The following IQCK variants were observed in gnomAD, a reference collection of about 807,000 sequenced individuals.
IQCK encodes the protein IQ domain-containing protein K.
Under a neutral mutation model 28.1 loss-of-function variants are expected in IQCK, and 29 were observed. The ratio of observed to expected loss-of-function variants is 1.03; its 90% CI spans 0.77 to 1.41. IQCK has a LOEUF of 1.41. IQCK is among the 40% of genes most tolerant of loss of function. The probability of loss-of-function intolerance (pLI) is 0.00; values close to 1 mark genes in which losing one functional copy is unlikely to be tolerated. For missense variants in IQCK, 359 were observed against 314.7 expected (o/e 1.14, Z -1.07); for synonymous variants, 113 against 115.1 (o/e 0.98, Z 0.12).
chr16:19,741,308 T>A (rs1204021414), intron 4 of IQCK, among the ~76,000 whole-genome samples: 2 of 152,228 alleles, frequency 1.3e-5, no homozygotes, highest in Non-Finnish European at 2.9e-5. Context: ...TCTAATTTAC[T>A]TGGCCATTAT....
intron 9 of IQCK, among the ~76,000 whole-genome samples, chr16:19,854,197 A>G (rs1185703679): frequency 6.6e-6 from 1 of 152,236 alleles, no homozygotes; most frequent in African/African-American, 2.4e-5. Flanking sequence ...GAAGCTGACC[A>G]TGTGATTCTT....
intron 4 of IQCK, among the ~76,000 whole-genome samples, chr16:19,741,607 G>A (rs1046912910): frequency 2.0e-5 from 3 of 152,208 alleles, no homozygotes; most frequent in African/African-American, 7.2e-5. Flanking sequence ...CTAGATGTCA[G>A]ATGCTCCAGG....
In IQCK at chr16:19,778,556, C is replaced by T. The variant is rs535620643; in HGVS notation, c.606-10282C>T. ...CTTGTAGTCCCAGCTACTCCAGAGGCCGAGGGGAGAGTATCACTTGGACCT... is the reference window on the plus strand; with the variant it reads ...CTTGTAGTCCCAGCTACTCCAGAGGTCGAGGGGAGAGTATCACTTGGACCT... On this transcript the variant is annotated intron_variant, in intron 6 of 7. Coordinates refer to ENST00000564186, the Ensembl canonical transcript of IQCK. Among the ~76,000 whole-genome samples, 65 of 152,058 alleles carry T rather than the reference C, an allele frequency of 4.3e-4. 4 individuals carry two copies. The South Asian group carries it at 0.012, about 27-fold the overall frequency.
exon 10 of IQCK, chr16:19,857,220 G>C (rs2056573024): frequency 3.6e-6 from 1 of 275,932 alleles, no homozygotes; most frequent in Non-Finnish European, 6.9e-6. Context: ...AAATGCCACA[G>C]ACCGACCCTC....
At chr16:19,743,562 A>G (rs937041094) in intron 4 of IQCK, among the ~76,000 whole-genome samples, 2 of 152,206 alleles carry the variant, frequency 1.3e-5, no homozygotes, top group African/African-American at 4.8e-5. Flanking sequence ...CACTCATTTA[A>G]TCCTCCCAAC....
chr16:19,758,771 G>A (rs2055089852), intron 4 of IQCK, among the ~76,000 whole-genome samples: 1 of 152,112 alleles, frequency 6.6e-6, no homozygotes, highest in Admixed American at 6.6e-5. Flanking sequence ...TTTTCATAAA[G>A]GGGTTTCAGC....
intron 6 of IQCK, 196 bp downstream of exon 6, chr16:19,764,308 A>G (rs972316509): frequency 6.4e-6 from 3 of 469,924 alleles, no homozygotes; most frequent in African/African-American, 5.8e-5. Context: ...TCATTCAAGA[A>G]GCACTCCAGA....
chr16:19,836,718 T>A (rs1298537024), intron 9 of IQCK, among the ~76,000 whole-genome samples: 1 of 152,208 alleles, frequency 6.6e-6, no homozygotes, highest in African/African-American at 2.4e-5. Context: ...TTCACCATGT[T>A]GGCCAGGATG....
intron 9 of IQCK, among the ~76,000 whole-genome samples, chr16:19,841,517 G>A (rs2056361971): frequency 6.6e-6 from 1 of 152,114 alleles, no homozygotes; most frequent in Admixed American, 6.6e-5. Flanking sequence ...GTGTCCTTGA[G>A]CAAGGCACTT....
At chr16:19,813,022 T>C (rs965653054) in intron 7 of IQCK, among the ~76,000 whole-genome samples, 4 of 152,220 alleles carry the variant, frequency 2.6e-5, no homozygotes, top group African/African-American at 9.6e-5. Context: ...GTGAAGCCCA[T>C]GAATTTGCAT....
intron 2 of IQCK, among the ~76,000 whole-genome samples, chr16:19,732,777 A>T (rs959162937): frequency 2.6e-5 from 4 of 151,930 alleles, no homozygotes; most frequent in African/African-American, 9.7e-5. Flanking sequence ...TTTTTTTCTT[A>T]CGCTACCATC....
chr16:19,837,204 A>G (rs1372254585), intron 9 of IQCK, among the ~76,000 whole-genome samples: 2 of 152,024 alleles, frequency 1.3e-5, no homozygotes, highest in African/African-American at 4.8e-5. Context: ...GGAGTTCGAG[A>G]CCAGCCCGGG....
chr16:19,756,220 T>C (rs961151290), intron 4 of IQCK, among the ~76,000 whole-genome samples: 48 of 152,112 alleles, frequency 3.2e-4, no homozygotes, highest in African/African-American at 1.0e-3. Flanking sequence ...ATTCTTTTGA[T>C]TGGCCATAAG....
intron 6 of IQCK, among the ~76,000 whole-genome samples, chr16:19,784,988 C>A (rs778083372): frequency 6.6e-6 from 1 of 152,122 alleles, no homozygotes; most frequent in East Asian, 1.9e-4. Context: ...AGGCTGGTCT[C>A]GAACCCCTGA....
intron 6 of IQCK, among the ~76,000 whole-genome samples, chr16:19,774,246 C>G (rs1009016337): frequency 6.6e-6 from 1 of 152,076 alleles, no homozygotes; most frequent in African/African-American, 2.4e-5. Context: ...TCCTTCCAAG[C>G]CTCAGTTTTT....
intron 6 of IQCK, among the ~76,000 whole-genome samples, chr16:19,776,562 C>A (rs758682835): frequency 2.0e-5 from 3 of 152,036 alleles, no homozygotes; most frequent in Non-Finnish European, 4.4e-5. Context: ...AAAAAATTAC[C>A]CAGGCTTTGT....
chr16:19,757,409 A>G (rs574349661), intron 4 of IQCK, among the ~76,000 whole-genome samples: 37 of 152,330 alleles, frequency 2.4e-4, no homozygotes, highest in Admixed American at 2.2e-3. Flanking sequence ...GCTGTGGCTC[A>G]TGCCTGTAAT....
intron 9 of IQCK, among the ~76,000 whole-genome samples, chr16:19,854,259 A>G (rs2056524443): frequency 6.6e-6 from 1 of 152,270 alleles, no homozygotes; most frequent in African/African-American, 2.4e-5. Flanking sequence ...AACTTTAACT[A>G]GCATCCATCA....
chr16:19,756,776 A>G (rs2055058250), intron 4 of IQCK, among the ~76,000 whole-genome samples: 1 of 152,012 alleles, frequency 6.6e-6, no homozygotes, highest in East Asian at 1.9e-4. Context: ...ATATGCCTGT[A>G]GTCCCAGCTA....
Sources: gnomAD v4.1 joint callset for allele counts (sites outside exome capture counted in the v4.1 genomes callset) on GRCh38, gnomAD v4.1.1 for gene constraint, MANE v1.5 for transcripts, NCBI Gene and HGNC (gene_info 2026-07-23, HGNC 2026-07-21) for gene names.